The following PDE6D variants were observed in gnomAD, a reference collection of about 807,000 sequenced individuals.
PDE6D encodes phosphodiesterase 6D.
PDE6D carries 10 observed loss-of-function variants against 21.9 expected under a neutral mutation model. The ratio of observed to expected loss-of-function variants is 0.46; its 90% CI spans 0.28 to 0.78. PDE6D has a LOEUF of 0.78. Among genes scored for constraint, PDE6D ranks in the 30% least tolerant of loss-of-function variants. PDE6D has a pLI of 0.12. For synonymous variants in PDE6D, 59 were observed against 63.5 expected, an observed-to-expected ratio of 0.93 and a Z score of 0.34; for missense variants, 139 against 184.8, an observed-to-expected ratio of 0.75 and a Z score of 1.44.
At chr2:231,734,415 C>G (rs1432229505) in intron 4 of PDE6D, among the ~76,000 whole-genome samples, 1 of 149,554 alleles carries the variant, frequency 6.7e-6, no homozygotes, top group Non-Finnish European at 1.5e-5. Context: ...AAAAATCACG[C>G]CTCGTGAAGA....
At chr2:231,749,498 G>A (rs919052284) in intron 1 of PDE6D, among the ~76,000 whole-genome samples, 1 of 145,684 alleles carries the variant, frequency 6.9e-6, no homozygotes, top group East Asian at 2.0e-4. Context: ...AGTCTCAGAT[G>A]AGACTTTTTT....
Position 231,747,615 on chromosome 2 carries a change from T to G in PDE6D, c.51-8427A>C, listed in dbSNP as rs181620005. On this transcript the variant is annotated intron_variant, in intron 1 of 4. Transcript: ENST00000287600. ...CCATTCTCTTCATAGAAGGAAAGGG[T>G]CTTTTAAAACTGTAAGTTAGATGTC... Among the ~76,000 whole-genome samples the G allele has an allele frequency of 9.2e-5, 14 of 152,298 alleles. No homozygotes were observed. The East Asian group carries it at 2.7e-3, about 29-fold the overall frequency.
At chr2:231,776,840 T>C (rs1253526694) in intron 1 of PDE6D, among the ~76,000 whole-genome samples, 3 of 152,326 alleles carry the variant, frequency 2.0e-5, no homozygotes, top group Non-Finnish European at 4.4e-5. Context: ...CCAAGTAACA[T>C]TTCATTCATA....
At chr2:231,769,081 C>T (rs2048995272) in intron 1 of PDE6D, among the ~76,000 whole-genome samples, 1 of 152,126 alleles carries the variant, frequency 6.6e-6, no homozygotes, top group Non-Finnish European at 1.5e-5. Flanking sequence ...ACTGGTCAGG[C>T]TGGTCTCGAA....
intron 1 of PDE6D, among the ~76,000 whole-genome samples, chr2:231,760,852 G>A (rs910711346): frequency 3.9e-5 from 6 of 152,102 alleles, no homozygotes; most frequent in African/African-American, 1.2e-4. Context: ...AAAAGGACAC[G>A]CTGCAAGGCT....
At chr2:231,754,966 A>G (rs1032769495) in intron 1 of PDE6D, among the ~76,000 whole-genome samples, 1 of 152,046 alleles carries the variant, frequency 6.6e-6, no homozygotes, top group Non-Finnish European at 1.5e-5. Flanking sequence ...CTAACCCCCA[A>G]TGTGATGGTA....
chr2:231,778,846 T>C (rs1340728240), intron 1 of PDE6D: 1 of 152,130 alleles, frequency 6.6e-6, no homozygotes, highest in Non-Finnish European at 1.5e-5. Context: ...AACTGGCAAA[T>C]AAAAAAGACT....
chr2:231,754,194 A>G (rs2048864834), intron 1 of PDE6D, among the ~76,000 whole-genome samples: 1 of 152,166 alleles, frequency 6.6e-6, no homozygotes, highest in Non-Finnish European at 1.5e-5. Context: ...TAACAAAGAC[A>G]GCAATTATTG....
chr2:231,768,826 C>T (rs891334663), intron 1 of PDE6D: 3 of 152,220 alleles, frequency 2.0e-5, no homozygotes, highest in Admixed American at 2.0e-4. Flanking sequence ...CTCTTTCTCT[C>T]TCCCTTATAT....
chr2:231,751,274 A>G (rs2048838215), intron 1 of PDE6D, among the ~76,000 whole-genome samples: 1 of 152,008 alleles, frequency 6.6e-6, no homozygotes. Flanking sequence ...CTCCCACTTC[A>G]GCCTCCTGAG....
chr2:231,755,388 C>T (rs1012431135), intron 1 of PDE6D, among the ~76,000 whole-genome samples: 4 of 152,174 alleles, frequency 2.6e-5, no homozygotes, highest in Admixed American at 6.5e-5. Flanking sequence ...GTGCTCAAAC[C>T]GATGACAATT....
intron 4 of PDE6D, among the ~76,000 whole-genome samples, chr2:231,733,414 T>C (rs1233648909): frequency 6.6e-6 from 1 of 152,170 alleles, no homozygotes; most frequent in East Asian, 1.9e-4. Flanking sequence ...TCAGGGGCAG[T>C]ATCCTTCCCT....
intron 2 of PDE6D, among the ~76,000 whole-genome samples, 179 bp downstream of exon 2, chr2:231,738,919 CAA>C (rs1157734125): frequency 0.025 from 1,574 of 62,494 alleles, 4 homozygotes; most frequent in African/African-American, 0.03. Flanking sequence ...GACTGTGTCT[CAA>C]AAAAAAAAAA....
chr2:231,762,117 T>C (rs974287841), intron 1 of PDE6D, among the ~76,000 whole-genome samples: 1 of 152,220 alleles, frequency 6.6e-6, no homozygotes, highest in African/African-American at 2.4e-5. Context: ...ATTGAGTTAT[T>C]GAATTTGTAC....
At chr2:231,775,485 G>GT (rs145491718) in intron 1 of PDE6D, among the ~76,000 whole-genome samples, 23,926 of 140,688 alleles carry the variant, frequency 0.17, 2,376 homozygotes, top group Non-Finnish European at 0.2. Context: ...ATTTTTGTGT[G>GT]TGTTTTTTTT....
Position 231,733,022 on chromosome 2 carries a change from A to G in PDE6D, c.383T>C (p.Ile128Thr). The change falls in exon 5 of 5, where the codon ATC becomes ACC. Residue 128 changes from isoleucine to threonine, a missense_variant. Ile to Thr is a moderately conservative substitution (Grantham distance 89). Transcript: ENST00000287600. Reference protein sequence around the residue: ...MPASVLTGNVIIETKFFDDDL... With the variant: ...MPASVLTGNVTIETKFFDDDL... ...GTCGTCAAAAAACTTTGTTTCTATGATAACGTTCCCACTGTAAGTAAGAAG... is the reference window on the plus strand; with the variant it reads ...GTCGTCAAAAAACTTTGTTTCTATGGTAACGTTCCCACTGTAAGTAAGAAG... 1 of 1,604,932 alleles carries G rather than the reference A, an allele frequency of 6.2e-7. No homozygotes were observed. The highest frequency in any genetic ancestry group is 8.5e-7 in the Non-Finnish European group (1 of 1,171,620).
intron 1 of PDE6D, among the ~76,000 whole-genome samples, chr2:231,747,718 A>C (rs577445969): frequency 1.1e-4 from 17 of 152,156 alleles, no homozygotes; most frequent in Non-Finnish European, 2.5e-4. Context: ...ACTATGCCCT[A>C]GGCACAAAAG....
At chr2:231,752,146 G>C (rs985524644) in intron 1 of PDE6D, among the ~76,000 whole-genome samples, 2 of 152,236 alleles carry the variant, frequency 1.3e-5, no homozygotes, top group South Asian at 2.1e-4. Context: ...ATATTTATTT[G>C]AGATGCTTAC....
chr2:231,737,921 T>C (rs753731368), intron 3 of PDE6D, 92 bp downstream of exon 3: 15 of 1,206,968 alleles, frequency 1.2e-5, no homozygotes, highest in Admixed American at 9.2e-5. Flanking sequence ...AAAAGGAATG[T>C]TATCAAAGCA....
Sources: gnomAD v4.1 joint callset for allele counts (sites outside exome capture counted in the v4.1 genomes callset) on GRCh38, gnomAD v4.1.1 for gene constraint, MANE v1.5 for transcripts, NCBI Gene and HGNC (gene_info 2026-07-23, HGNC 2026-07-21) for gene names.